Variants in SYNE2 observed in about 807,000 individuals in gnomAD.
The protein encoded by SYNE2 is spectrin repeat containing nuclear envelope protein 2.
Under a neutral mutation model 856.3 loss-of-function variants are expected in SYNE2, and 431 were observed. The observed-to-expected ratio is 0.50, with a 90% CI of 0.47 to 0.55. The LOEUF is 0.55. SYNE2 is among the 20% of genes least tolerant of loss of function. SYNE2 has a pLI of 0.00. For missense variants in SYNE2, 8,129 were observed against 8,023.2 expected, an observed-to-expected ratio of 1.01 and a Z score of -0.50; for synonymous variants, 2,923 against 2,872.3, an observed-to-expected ratio of 1.02 and a Z score of -0.56.
Position 64,096,712 on chromosome 14 carries a change from C to G in SYNE2, c.12109-1237C>G, listed in dbSNP as rs1165164710. Among the ~76,000 whole-genome samples, 4 of 152,332 alleles carry G rather than the reference C, an allele frequency of 2.6e-5. No individual in the cohort carries two copies. In the East Asian group the frequency reaches 7.7e-4, roughly 29 times the overall value. On this transcript the variant is annotated intron_variant, in intron 61 of 115. Coordinates refer to ENST00000555002, the MANE Select transcript of SYNE2 (RefSeq NM_182914.3). Reference sequence around the variant, plus strand: ...AGTACAGCCAGGAGAAAGCCCAGGCCTGTGCTCTGCTGTGTGCTAGTTGCA... The same window carrying G: ...AGTACAGCCAGGAGAAAGCCCAGGCGTGTGCTCTGCTGTGTGCTAGTTGCA...
Position 64,202,959 on chromosome 14 carries a change from A to G in SYNE2, c.18197A>G (p.Gln6066Arg), listed in dbSNP as rs1185481033. The G allele has an allele frequency of 3.7e-6, 6 of 1,614,050 alleles. No homozygotes were observed. Among genetic ancestry groups the G allele is most frequent in the Non-Finnish European group, 4.2e-6 (5 of 1,180,044 alleles). ...DQEIQKRLAE[Q>R]QDLQRDIEQH... is the part of the protein sequence containing the mutation. Reference sequence around the variant, plus strand: ...GAGATCCAGAAGAGGCTCGCTGAGCAGCAGGTGGGACAATCAGAAATGAGC... The same window carrying G: ...GAGATCCAGAAGAGGCTCGCTGAGCGGCAGGTGGGACAATCAGAAATGAGC... The change falls in exon 100 of 116, where the codon CAG (glutamine) becomes CGG (arginine). Residue 6066 changes from glutamine to arginine, a missense_variant. Transcript: ENST00000555002.
intron 43 of SYNE2, among the ~76,000 whole-genome samples, chr14:64,028,267 A>C (rs1484671804): frequency 6.6e-6 from 1 of 151,626 alleles, no homozygotes; most frequent in Admixed American, 6.6e-5. Flanking sequence ...TTATTTATTT[A>C]TTTTTAGAGA....
intron 30 of SYNE2, among the ~76,000 whole-genome samples, chr14:64,004,574 C>T (rs1244096023): frequency 6.6e-6 from 1 of 152,136 alleles, no homozygotes; most frequent in African/African-American, 2.4e-5. Flanking sequence ...AGGTCATCCA[C>T]CCGCTTTAAC....
chr14:64,185,404 G>A (rs987641976), intron 96 of SYNE2, among the ~76,000 whole-genome samples: 1 of 151,592 alleles, frequency 6.6e-6, no homozygotes, highest in Non-Finnish European at 1.5e-5. Context: ...GAGTGTTCTG[G>A]TTGTTTCCTT....
At chr14:64,067,349 A>C (rs2097365548) in intron 51 of SYNE2, among the ~76,000 whole-genome samples, 2 of 152,246 alleles carry the variant, frequency 1.3e-5, no homozygotes, top group South Asian at 4.1e-4. Flanking sequence ...AGTGAGACAC[A>C]GTGAGACTGA....
At chr14:64,131,501 G>GTT (rs1484340448) in intron 76 of SYNE2, among the ~76,000 whole-genome samples, 9 of 152,338 alleles carry the variant, frequency 5.9e-5, no homozygotes, top group African/African-American at 2.2e-4. Flanking sequence ...GGTTGCTTGA[G>GTT]TTTGCACATC....
In SYNE2 at chr14:63,776,867, C is replaced by T. The variant is rs192679435; in HGVS notation, c.-305+14881C>T. ...CCGCCCACCTTGGCCTCCCAGAGTGCTGGGATTACAGGTGTGAATCACCAT... is the reference window on the plus strand; with the variant it reads ...CCGCCCACCTTGGCCTCCCAGAGTGTTGGGATTACAGGTGTGAATCACCAT... On this transcript the variant is annotated intron_variant, in intron 1 of 23. Coordinates refer to the SYNE2 transcript ENST00000674003. Among the ~76,000 whole-genome samples, 468 of 152,314 alleles carry T rather than the reference C, an allele frequency of 3.1e-3. 2 individuals are homozygous for T. Among genetic ancestry groups the T allele is most frequent in the Admixed American group, 5.0e-3 (76 of 15,286 alleles).
intron 11 of SYNE2, among the ~76,000 whole-genome samples, chr14:63,972,820 G>A (rs987607708): frequency 6.6e-6 from 1 of 152,152 alleles, no homozygotes; most frequent in Non-Finnish European, 1.5e-5. Flanking sequence ...TTTTGGTTGT[G>A]CAAAGAATAA....
At chr14:64,156,518 G>C (rs2153709345) in intron 85 of SYNE2, among the ~76,000 whole-genome samples, 1 of 151,666 alleles carries the variant, frequency 6.6e-6, no homozygotes, top group East Asian at 1.9e-4. Flanking sequence ...GAGGGCAGTG[G>C]CATGATCTCA....
chr14:64,051,478 C>T, intron 47 of SYNE2, 79 bp from the exon 48 acceptor site: 2 of 1,328,304 alleles, frequency 1.5e-6, no homozygotes, highest in Non-Finnish European at 2.1e-6. Flanking sequence ...GAATTAATTT[C>T]TTCTAATGAT....
intron 1 of SYNE2, among the ~76,000 whole-genome samples, chr14:63,805,962 T>A (rs1888345942): frequency 6.6e-6 from 1 of 152,182 alleles, no homozygotes; most frequent in Non-Finnish European, 1.5e-5. Context: ...CCTATTTGGG[T>A]ACCTTTTATT....
At chr14:64,224,614 G>C (rs2098710024) in intron 114 of SYNE2, 67 bp downstream of exon 114, 1 of 1,576,328 alleles carries the variant, frequency 6.3e-7, no homozygotes, top group African/African-American at 1.3e-5. Context: ...GATGAGGGAA[G>C]CTTGGGATTC....
At chr14:64,061,919 G>A (rs2097320291) in intron 49 of SYNE2, among the ~76,000 whole-genome samples, 2 of 152,084 alleles carry the variant, frequency 1.3e-5, no homozygotes, top group South Asian at 4.1e-4. Flanking sequence ...CTACAACTTT[G>A]CCTATTTCTG....
At chr14:63,855,624 C>T (rs1891523750) in intron 1 of SYNE2, among the ~76,000 whole-genome samples, 1 of 152,146 alleles carries the variant, frequency 6.6e-6, no homozygotes, top group Non-Finnish European at 1.5e-5. Context: ...GTCAGTGAGC[C>T]TTCACTAACC....
chr14:64,170,149 C>A, intron 93 of SYNE2, 79 bp from the exon 94 acceptor site: 2 of 1,347,816 alleles, frequency 1.5e-6, no homozygotes, highest in Non-Finnish European at 1.1e-6. Flanking sequence ...AAAACTGAAT[C>A]TGAGCTGCTA....
intron 11 of SYNE2, among the ~76,000 whole-genome samples, chr14:63,975,871 T>C (rs774125697): frequency 8.5e-5 from 13 of 152,126 alleles, no homozygotes; most frequent in Non-Finnish European, 1.5e-4. Flanking sequence ...GTTTGGCCAA[T>C]GAGTAAATGA....
rs575442307 is a variant in SYNE2, at chr14:64,133,391, T to C, written c.14515-678T>C. Among the ~76,000 whole-genome samples, 192 of 152,272 alleles carry C rather than the reference T, an allele frequency of 1.3e-3. 1 individual carries two copies. The highest frequency in any genetic ancestry group is 4.2e-3 in the African/African-American group (175 of 41,546). ...TCTATAAAAGCCAAGTGAGCCACTA[T>C]GTGAATAGATATGGAAAAGAGTGAG... On this transcript the variant is annotated intron_variant, in intron 77 of 115. Transcript: ENST00000555002.
At chr14:63,947,212 A>G (rs995961656) in intron 6 of SYNE2, among the ~76,000 whole-genome samples, 2 of 152,146 alleles carry the variant, frequency 1.3e-5, no homozygotes, top group Non-Finnish European at 2.9e-5. Context: ...TTTTCCAGAA[A>G]AATTTTGTCC....
At chr14:63,816,183 A>G (rs1236820763) in intron 1 of SYNE2, among the ~76,000 whole-genome samples, 2 of 151,950 alleles carry the variant, frequency 1.3e-5, no homozygotes, top group Admixed American at 1.3e-4. Flanking sequence ...ACCTGACCTC[A>G]TGATATGCCC....
Sources: gnomAD v4.1 joint callset for allele counts (sites outside exome capture counted in the v4.1 genomes callset) on GRCh38, gnomAD v4.1.1 for gene constraint, MANE v1.5 for transcripts, NCBI Gene and HGNC (gene_info 2026-07-23, HGNC 2026-07-21) for gene names.